The following HGD variants were observed in gnomAD, a reference collection of about 807,000 sequenced individuals.
HGD encodes homogentisate oxidase.
In HGD, 61 loss-of-function variants were observed where a neutral mutation model predicts 60.8. That is an observed-to-expected ratio of 1.00 (90% CI 0.82 to 1.24). The LOEUF (loss-of-function observed/expected upper bound fraction) is 1.24, where lower values mean the gene tolerates loss of function less well. HGD is among the 50% of genes most tolerant of loss of function. The pLI is 0.00. For missense variants in HGD, 542 were observed against 547.1 expected (o/e 0.99, Z 0.09); for synonymous variants, 212 against 187.7 (o/e 1.13, Z -1.06).
rs137911778 is a variant in HGD, at chr3:120,663,695, G to C, written c.282+6732C>G. On this transcript the variant is annotated intron_variant, in intron 4 of 13. Transcript: ENST00000283871. The stretch of plus-strand genomic sequence containing the variant: ...GTCTGTTGTTCCAGGCTGGGATGTA[G>C]AGGAGAAAAGGATTATATTTAGCGT... Among the ~76,000 whole-genome samples, 1,415 of 152,244 alleles carry C rather than the reference G, an allele frequency of 9.3e-3. 22 individuals are homozygous for C. The highest frequency in any genetic ancestry group is 0.032 in the African/African-American group (1,347 of 41,542).
intron 9 of HGD, 37 bp from the exon 10 acceptor site, chr3:120,644,480 C>T (rs777174037): frequency 8.1e-6 from 13 of 1,613,396 alleles, no homozygotes; most frequent in African/African-American, 1.3e-5. Context: ...TTAGAAACTT[C>T]CAAAACATAG....
At position 120,628,340 on chromosome 3, in the gene HGD, T is replaced by C. The variant is rs1297796743; in HGVS notation, c.*40A>G. The C allele has an allele frequency of 1.2e-6, 2 of 1,605,882 alleles. No individual in the cohort carries two copies. The highest frequency in any genetic ancestry group is 2.2e-5 in the East Asian group (1 of 44,850). ...AAAGCATGAGATTCTGAAGAAATCT[T>C]CACAAATCTACTCTTAATTATGGTA... On this transcript the variant is annotated 3_prime_UTR_variant, in exon 14 of 14. Transcript: ENST00000283871.
chr3:120,631,059 C>A (rs1940578977), intron 13 of HGD, among the ~76,000 whole-genome samples: 1 of 151,704 alleles, frequency 6.6e-6, no homozygotes, highest in South Asian at 2.1e-4. Flanking sequence ...AGGGGAGCAA[C>A]AGACACTGAT....
At chr3:120,660,716 T>C (rs1941635964) in intron 4 of HGD, among the ~76,000 whole-genome samples, 2 of 152,258 alleles carry the variant, frequency 1.3e-5, no homozygotes, top group Middle Eastern at 3.4e-3. Flanking sequence ...TCCCAGCTAC[T>C]TGGGAGGCTG....
chr3:120,636,511 G>A (rs1429317670), intron 12 of HGD, among the ~76,000 whole-genome samples: 1 of 152,164 alleles, frequency 6.6e-6, no homozygotes, highest in African/African-American at 2.4e-5. Context: ...GAATTATTAA[G>A]GAGTAACATG....
At chr3:120,629,972 C>A (rs985387584) in intron 13 of HGD, among the ~76,000 whole-genome samples, 2 of 152,116 alleles carry the variant, frequency 1.3e-5, no homozygotes, top group Admixed American at 6.5e-5. Context: ...CATTCCTATA[C>A]ACCAACAACA....
chr3:120,662,935 A>T (rs554283939), intron 4 of HGD, among the ~76,000 whole-genome samples: 1 of 152,258 alleles, frequency 6.6e-6, no homozygotes, highest in Admixed American at 6.5e-5. Context: ...ATCTGATATG[A>T]TTGTTGTCCT....
chr3:120,649,101 A>G (rs1576298019), intron 6 of HGD, among the ~76,000 whole-genome samples: 1 of 144,512 alleles, frequency 6.9e-6, no homozygotes, highest in Admixed American at 6.9e-5. Flanking sequence ...TCACAGGTCC[A>G]TTCTAAAGGA....
chr3:120,633,250 C>T lies in HGD; in HGVS notation c.1085G>A (p.Gly362Glu). Reference sequence around the variant, plus strand: ...GGGGGTCATTGTGCTGTGTAGACTCCCTCCCCCTGGCAGGAACCCACCTTG... The same window carrying T: ...GGGGGTCATTGTGCTGTGTAGACTCTCTCCCCCTGGCAGGAACCCACCTTG... ...AKQGGFLPGG[G>E]SLHSTMTPHG... The change falls in exon 13 of 14, where the codon GGG (glycine) becomes GAG (glutamate). Residue 362 changes from glycine to glutamate, a missense_variant. Gly to Glu is a moderately conservative substitution (Grantham distance 98). Around this residue, in one of 2 missense-constraint regions of HGD, gnomAD observed 537 missense variants for 529.1 expected, o/e 1.01. Transcript: ENST00000283871. 1.2e-6 allele frequency: 2 copies of T among 1,614,038 alleles called. No individual in the cohort carries two copies. Among genetic ancestry groups the T allele is most frequent in the African/African-American group, 1.3e-5 (1 of 74,996 alleles).
At chr3:120,676,756 GCAGTCTTGCT>G (rs1437932419) in intron 1 of HGD, among the ~76,000 whole-genome samples, 1 of 152,166 alleles carries the variant, frequency 6.6e-6, no homozygotes, top group Non-Finnish European at 1.5e-5. Flanking sequence ...TAATGAAAAT[GCAGTCTTGCT>G]CAGCAAGCGA....
chr3:120,656,009 A>C (rs1941485262), intron 4 of HGD, among the ~76,000 whole-genome samples: 1 of 152,216 alleles, frequency 6.6e-6, no homozygotes, highest in South Asian at 2.1e-4. Flanking sequence ...CCTAACCTTC[A>C]ATGTGACTAT....
At chr3:120,629,909 A>T (rs1940530982) in intron 13 of HGD, among the ~76,000 whole-genome samples, 1 of 152,210 alleles carries the variant, frequency 6.6e-6, no homozygotes, top group African/African-American at 2.4e-5. Context: ...TTCAACCAAT[A>T]AACAACTTTC....
chr3:120,668,556 GAA>G (rs952996801), intron 4 of HGD, among the ~76,000 whole-genome samples: 7 of 151,776 alleles, frequency 4.6e-5, no homozygotes, highest in African/African-American at 1.7e-4. Flanking sequence ...AGGAGGGAGG[GAA>G]AGAGGGCAGA....
chr3:120,630,193 T>C (rs1055347608), intron 13 of HGD, among the ~76,000 whole-genome samples: 1 of 152,176 alleles, frequency 6.6e-6, no homozygotes, highest in African/African-American at 2.4e-5. Flanking sequence ...AAGATGACGA[T>C]ACTATCCAAA....
chr3:120,646,217 C>T lies in HGD; in HGVS notation c.649+50G>A, dbSNP rs755935930. 1.0e-5 allele frequency: 11 copies of T among 1,092,076 alleles called. No individual in the cohort carries two copies. The South Asian group carries it at 1.4e-4, about 14-fold the overall frequency. 67.6% of individuals were successfully genotyped at this position (1,092,076 alleles called of 1,614,324 possible). ...GGATGTTTAACTTTCATGCAATTAT[C>T]TGAGTCCTACATCTCAAGCGAGGCT... On this transcript the variant is annotated intron_variant, in intron 9 of 13. Coordinates refer to ENST00000283871, the MANE Select transcript of HGD (RefSeq NM_000187.4).
rs371538956 is a variant in HGD at position 120,633,178 on chromosome 3, A to G, written c.1157T>C (p.Leu386Pro). 36 of 1,614,004 alleles carry G rather than the reference A, an allele frequency of 2.2e-5. No homozygotes were observed. The highest frequency in any genetic ancestry group is 1.5e-5 in the Non-Finnish European group (18 of 1,180,010). ...DCFEKASKVK[L>P]APERIADGTM... ...GCCATCGGCAATCCTCTCAGGTGCC[A>G]GCTTGACCTTGCTGGCCTTCTCAAA... Residue 386 changes from leucine (L) to proline (P), a missense_variant, in exon 13 of 14, where the codon CTG becomes CCG. Transcript: ENST00000283871.
chr3:120,638,587 A>C lies in HGD; in HGVS notation c.880-6T>G, dbSNP rs769510565. 5 of 1,613,878 alleles carry C rather than the reference A, an allele frequency of 3.1e-6. No homozygotes were observed. Among genetic ancestry groups the C allele is most frequent in the Non-Finnish European group, 4.2e-6 (5 of 1,179,894 alleles). The stretch of plus-strand genomic sequence containing the variant: ...ACTGTGAAAATGGATGGGTCCTGTG[A>C]ACACACAAGGAGAGACTGAACGCAT... On this transcript the variant is annotated splice_region_variant and splice_polypyrimidine_tract_variant and intron_variant, in intron 11 of 13. Transcript: ENST00000283871.
chr3:120,665,714 C>A (rs1360167113), intron 4 of HGD, among the ~76,000 whole-genome samples: 1 of 152,232 alleles, frequency 6.6e-6, no homozygotes, highest in Non-Finnish European at 1.5e-5. Flanking sequence ...GTGATGATCA[C>A]ATATTGCAAG....
chr3:120,674,762 A>T (rs1708089900), intron 3 of HGD, 139 bp downstream of exon 3: 1 of 694,930 alleles, frequency 1.4e-6, no homozygotes, highest in East Asian at 2.7e-5. Context: ...TTCTCTTCTG[A>T]CCATGACCCA....
Sources: gnomAD v4.1 joint callset for allele counts (sites outside exome capture counted in the v4.1 genomes callset) on GRCh38, gnomAD v4.1.1 for gene constraint, gnomAD v4.1.1 regional missense constraint, MANE v1.5 for transcripts, NCBI Gene and HGNC (gene_info 2026-07-23, HGNC 2026-07-21) for gene names.